GRHL2: variants seen among roughly 807,000 people sequenced by gnomAD.
The protein encoded by GRHL2 is grainyhead-like protein 2 homolog.
Under a neutral mutation model 83.8 loss-of-function variants are expected in GRHL2, and 21 were observed. The ratio of observed to expected loss-of-function variants is 0.25; its 90% confidence interval spans 0.18 to 0.36. The LOEUF (loss-of-function observed/expected upper bound fraction) is 0.36, where lower values mean the gene tolerates loss of function less well. GRHL2 is among the 10% of genes least tolerant of loss of function. GRHL2 has a pLI of 1.00. For synonymous variants in GRHL2, 280 were observed against 278.9 expected (o/e 1.00, Z -0.04); for missense variants, 623 against 781.8 (o/e 0.80, Z 2.42).
At chr8:101,613,502 C>T (rs897439668) in intron 8 of GRHL2, among the ~76,000 whole-genome samples, 1 of 150,838 alleles carries the variant, frequency 6.6e-6, no homozygotes, top group Non-Finnish European at 1.5e-5. Context: ...TATTAAATCA[C>T]TATTTGATGA....
chr8:101,599,260 C>A, intron 8 of GRHL2, 109 bp downstream of exon 8: 2 of 784,476 alleles, frequency 2.5e-6, no homozygotes, highest in Admixed American at 4.0e-5. Flanking sequence ...AAGAAATGAA[C>A]CTTTCATCTT....
At chr8:101,533,681 AGCAGGTTGCT>A (rs1810984878) in intron 1 of GRHL2, among the ~76,000 whole-genome samples, 1 of 152,230 alleles carries the variant, frequency 6.6e-6, no homozygotes, top group Non-Finnish European at 1.5e-5. Context: ...CATGGGTGGA[AGCAGGTTGCT>A]GCATTAAATA....
intron 2 of GRHL2, among the ~76,000 whole-genome samples, chr8:101,546,491 C>A (rs1373217712): frequency 2.0e-5 from 3 of 151,708 alleles, no homozygotes; most frequent in African/African-American, 7.3e-5. Flanking sequence ...CTCACTGTAA[C>A]CTCTGTCTCC....
chr8:101,606,609 C>A (rs16868045), intron 8 of GRHL2, among the ~76,000 whole-genome samples: 1,706 of 152,352 alleles, frequency 0.011, 24 homozygotes, highest in East Asian at 0.05. Flanking sequence ...TGCCTGACAG[C>A]TGCCCTGGAC....
intron 14 of GRHL2, among the ~76,000 whole-genome samples, chr8:101,656,941 A>G (rs1813803775): frequency 6.7e-6 from 1 of 148,444 alleles, no homozygotes; most frequent in Non-Finnish European, 1.5e-5. Flanking sequence ...GTGGAGAGGC[A>G]GACTGTGTTT....
intron 1 of GRHL2, among the ~76,000 whole-genome samples, chr8:101,540,299 A>AC (rs887990794): frequency 1.3e-5 from 2 of 152,202 alleles, no homozygotes; most frequent in Non-Finnish European, 2.9e-5. Context: ...GTTAGACATT[A>AC]CCCAGCTTCT....
intron 9 of GRHL2, among the ~76,000 whole-genome samples, chr8:101,625,127 T>G (rs889356231): frequency 4.6e-5 from 7 of 152,188 alleles, no homozygotes; most frequent in African/African-American, 1.7e-4. Context: ...TCCCTTACTT[T>G]ATTTCAGATA....
intron 12 of GRHL2, among the ~76,000 whole-genome samples, chr8:101,639,183 G>T (rs1813348510): frequency 6.6e-6 from 1 of 152,166 alleles, no homozygotes. Context: ...CCATTGGTTT[G>T]ACTTCTCTGT....
intron 1 of GRHL2, among the ~76,000 whole-genome samples, chr8:101,537,688 C>T (rs1245419035): frequency 1.3e-5 from 2 of 152,124 alleles, no homozygotes; most frequent in Non-Finnish European, 2.9e-5. Flanking sequence ...GACACCTGCT[C>T]ATCAAGGAGA....
intron 14 of GRHL2, among the ~76,000 whole-genome samples, chr8:101,652,546 TGGTGTGTATGTGTG>T (rs1813684972): frequency 1.8e-5 from 1 of 56,492 alleles, no homozygotes. Flanking sequence ...TGTGTGTGTG[TGGTGTGTATGTGTG>T]GTGGTGTGTG....
chr8:101,638,557 TA>T, intron 12 of GRHL2, among the ~76,000 whole-genome samples: 1 of 152,196 alleles, frequency 6.6e-6, no homozygotes, highest in East Asian at 1.9e-4. Context: ...CTGCAAAGTC[TA>T]AATATTTACT....
intron 14 of GRHL2, among the ~76,000 whole-genome samples, chr8:101,660,139 C>T (rs948750763): frequency 1.6e-4 from 25 of 152,196 alleles, no homozygotes; most frequent in African/African-American, 4.8e-4. Context: ...TAGCAAAGCA[C>T]TTAAGCAAAA....
chr8:101,535,997 T>G (rs908959667), intron 1 of GRHL2, among the ~76,000 whole-genome samples: 4 of 152,066 alleles, frequency 2.6e-5, no homozygotes, highest in South Asian at 2.1e-4. Flanking sequence ...TTCTGGAGGA[T>G]GGGATGTTGC....
intron 15 of GRHL2, among the ~76,000 whole-genome samples, chr8:101,664,934 A>G (rs1814012137): frequency 6.6e-6 from 1 of 152,208 alleles, no homozygotes; most frequent in East Asian, 1.9e-4. Flanking sequence ...TAAGGTAATT[A>G]TCAAGAAAAT....
At chr8:101,676,286 G>T in the GRHL2 span, among the ~76,000 whole-genome samples, 1 of 151,718 alleles carries the variant, frequency 6.6e-6, no homozygotes, top group African/African-American at 2.4e-5. Context: ...CTACAGAATG[G>T]GAGAAAATTT....
chr8:101,675,416 C>A, the GRHL2 span, among the ~76,000 whole-genome samples: 17,062 of 151,228 alleles, frequency 0.11, 1,060 homozygotes, highest in South Asian at 0.2. Flanking sequence ...ACACCAATAA[C>A]AGACAAACAC....
chr8:101,525,628 T>G (rs975971533), intron 1 of GRHL2, among the ~76,000 whole-genome samples: 4 of 151,808 alleles, frequency 2.6e-5, no homozygotes, highest in African/African-American at 9.7e-5. Flanking sequence ...GTAGCTGGGA[T>G]TCCAGGTGTG....
At chr8:101,493,020 G>T (rs1047297304) in intron 1 of GRHL2, among the ~76,000 whole-genome samples, 1 of 152,174 alleles carries the variant, frequency 6.6e-6, no homozygotes, top group African/African-American at 2.4e-5. Context: ...GATAGTAAAA[G>T]TGGGTTTTCC....
At chr8:101,509,169 T>C (rs1399582018) in intron 1 of GRHL2, among the ~76,000 whole-genome samples, 1 of 106,946 alleles carries the variant, frequency 9.4e-6, no homozygotes, top group African/African-American at 3.0e-5. Flanking sequence ...TTTCTTTCTT[T>C]CTTTTTCTTT....
Sources: allele counts gnomAD v4.1 joint callset (sites outside exome capture counted in the v4.1 genomes callset), GRCh38; gene constraint gnomAD v4.1.1; transcripts MANE v1.5; gene names NCBI Gene and HGNC (gene_info 2026-07-23, HGNC 2026-07-21).